The following DMD variants were observed in gnomAD, a reference collection of about 807,000 sequenced individuals.
DMD encodes mutant dystrophin.
In DMD, 63 loss-of-function variants were observed where a neutral mutation model predicts 330.1. The ratio of observed to expected loss-of-function variants is 0.19; its 90% CI spans 0.16 to 0.24. DMD has a LOEUF of 0.24. Among genes scored for constraint, DMD ranks in the 10% least tolerant of loss-of-function variants. The pLI, the probability that DMD is intolerant of heterozygous loss-of-function variation, is 1.00. For synonymous variants in DMD, 1,223 were observed against 959.8 expected (o/e 1.27, Z -5.07); for missense variants, 3,344 against 2,684.1 (o/e 1.25, Z -5.43).
intron 51 of DMD, among the ~76,000 whole-genome samples, chrX:31,762,973 T>C (rs985871255): frequency 8.9e-6 from 1 of 112,500 alleles, no homozygotes; most frequent in Non-Finnish European, 1.9e-5. Context: ...TATAGCTCTA[T>C]AAAATGTTGT....
intron 7 of DMD, among the ~76,000 whole-genome samples, chrX:32,732,982 G>C (rs969089802): frequency 3.6e-5 from 4 of 111,193 alleles, no homozygotes; most frequent in East Asian, 2.8e-4. Flanking sequence ...TGGATAAAGA[G>C]TCAAGACCCA....
intron 19 of DMD, among the ~76,000 whole-genome samples, chrX:32,493,686 A>G (rs2043219148): frequency 8.9e-6 from 1 of 112,260 alleles, no homozygotes; most frequent in Admixed American, 9.5e-5. Flanking sequence ...CGTTTGAAAA[A>G]AGTATTATGA....
intron 2 of DMD, among the ~76,000 whole-genome samples, chrX:32,965,825 G>T (rs1485632081): frequency 9.0e-6 from 1 of 111,587 alleles, no homozygotes; most frequent in Non-Finnish European, 1.9e-5. Context: ...ACCTCATCTT[G>T]GCTTCAAAGT....
intron 2 of DMD, among the ~76,000 whole-genome samples, chrX:33,003,721 T>A (rs2093337885): frequency 8.9e-6 from 1 of 112,180 alleles, no homozygotes; most frequent in Admixed American, 9.5e-5. Flanking sequence ...AAAATCACAA[T>A]ATCAGCTATC....
chrX:32,728,590 T>A (rs1396387913), intron 7 of DMD, among the ~76,000 whole-genome samples: 2 of 112,298 alleles, frequency 1.8e-5, no homozygotes, highest in Non-Finnish European at 3.8e-5. Context: ...TTAAATTGTG[T>A]TAGCAACAAA....
At chrX:31,266,952 T>G (rs891691843) in intron 62 of DMD, 3 of 1,090,709 alleles carry the variant, frequency 2.8e-6, no homozygotes, top group South Asian at 2.1e-5. Context: ...CTGAAAGCAC[T>G]GCGGAGGAGC....
At chrX:31,186,774 G>C (rs1429651594) in intron 67 of DMD, among the ~76,000 whole-genome samples, 1 of 112,761 alleles carries the variant, frequency 8.9e-6, no homozygotes, top group African/African-American at 3.2e-5. Flanking sequence ...GATCATGCAA[G>C]TCCATTCATC....
rs748595647 is a variant in DMD at position 32,411,852 on chromosome X, G to C, written c.4133C>G (p.Ser1378Cys). The change falls in exon 30 of 79, where the codon TCC (serine) becomes TGC (cysteine). Residue 1378 changes from serine to cysteine, a missense_variant. Coordinates refer to ENST00000357033, the MANE Select transcript of DMD (RefSeq NM_004006.3). ...GAGGGACTCCTGGATTAAGTGTAAG[G>C]ATTTTTCAGTCTCCTGGGCAGACTG... is the stretch of plus-strand genomic sequence containing the variant. ...SIQSAQETEK[S>C]LHLIQESLTF... The C allele has an allele frequency of 8.3e-7, 1 of 1,209,026 alleles. No homozygotes were observed. Among genetic ancestry groups the C allele is most frequent in the African/African-American group, 1.8e-5 (1 of 57,022 alleles).
intron 55 of DMD, among the ~76,000 whole-genome samples, chrX:31,571,780 T>G (rs1176752384): frequency 5.4e-5 from 6 of 111,586 alleles, no homozygotes; most frequent in Non-Finnish European, 1.1e-4. Context: ...CCCTGGCCTC[T>G]GCCCACTTGA....
intron 2 of DMD, among the ~76,000 whole-genome samples, chrX:32,868,002 A>G (rs372408955): frequency 1.1e-4 from 12 of 110,321 alleles, no homozygotes; most frequent in African/African-American, 3.3e-4. Flanking sequence ...CAAAACCGTG[A>G]GTGAATCCTG....
At chrX:33,311,727 G>A (rs1250313923) in intron 1 of DMD, among the ~76,000 whole-genome samples, 2 of 109,688 alleles carry the variant, frequency 1.8e-5, no homozygotes, top group Admixed American at 9.9e-5. Flanking sequence ...GCTCTTATGC[G>A]TAGGGTTCTG....
intron 1 of DMD, among the ~76,000 whole-genome samples, chrX:33,293,368 G>A (rs1360697981): frequency 1.8e-5 from 2 of 111,338 alleles, no homozygotes; most frequent in Admixed American, 9.6e-5. Context: ...CAGTACAGTG[G>A]CTCCATGATC....
At chrX:32,048,876 T>C (rs928604134) in intron 44 of DMD, among the ~76,000 whole-genome samples, 4 of 111,491 alleles carry the variant, frequency 3.6e-5, no homozygotes, top group African/African-American at 9.8e-5. Context: ...CCAAACTGTG[T>C]GGACAGAGGC....
intron 45 of DMD, among the ~76,000 whole-genome samples, chrX:31,956,942 G>A (rs1039772539): frequency 1.8e-5 from 2 of 112,244 alleles, no homozygotes; most frequent in Admixed American, 1.9e-4. Context: ...ATGAGTGACA[G>A]AATTATAAGG....
chrX:32,096,623 A>G (rs900404522), intron 44 of DMD, among the ~76,000 whole-genome samples: 2 of 110,798 alleles, frequency 1.8e-5, no homozygotes, highest in African/African-American at 6.6e-5. Flanking sequence ...TGAGCATAAC[A>G]TAAACTGAAG....
At chrX:32,327,724 T>C (rs2097658437) in intron 41 of DMD, among the ~76,000 whole-genome samples, 1 of 111,308 alleles carries the variant, frequency 9.0e-6, no homozygotes. Flanking sequence ...ATGGCAAGGA[T>C]TCCAATATAA....
rs200113566 is a variant in DMD, at chrX:32,129,726, A to G, written c.6438+87190T>C. 4.1e-3 allele frequency among the ~76,000 whole-genome samples: 324 copies of G among 78,717 alleles called. 3 individuals carry two copies. Among genetic ancestry groups the G allele is most frequent in the African/African-American group, 0.014 (309 of 21,654 alleles). The allele number at this position is 78,717 out of a possible 115,157, so 68.4% of individuals were successfully genotyped here. On this transcript the variant is annotated intron_variant, in intron 44 of 78. Transcript: ENST00000357033. ...GATATGGAGAGAGAGAGAGAGAGGG[A>G]GGGAGAGAGAGAGAGAGAGAGAGAG...
intron 48 of DMD, among the ~76,000 whole-genome samples, chrX:31,857,387 A>G (rs1171006123): frequency 1.0e-3 from 54 of 52,723 alleles, no homozygotes; most frequent in African/African-American, 2.9e-3. Flanking sequence ...TCGGAAAAAA[A>G]AAAAAAAAAA....
intron 44 of DMD, among the ~76,000 whole-genome samples, chrX:32,196,386 G>A (rs2685898): frequency 0.12 from 13,472 of 111,723 alleles, 800 homozygotes; most frequent in Middle Eastern, 0.21. Context: ...CTGAGTTTCT[G>A]ACTTTTGCCA....
Sources: gnomAD v4.1 joint callset for allele counts (sites outside exome capture counted in the v4.1 genomes callset) on GRCh38, gnomAD v4.1.1 for gene constraint, MANE v1.5 for transcripts, NCBI Gene and HGNC (gene_info 2026-07-23, HGNC 2026-07-21) for gene names.